BTBD9: variants seen among roughly 807,000 people sequenced by gnomAD.
The protein encoded by BTBD9 is BTB/POZ domain-containing protein 9.
Under a neutral mutation model 64.3 loss-of-function variants are expected in BTBD9, and 49 were observed. That is an observed-to-expected ratio of 0.76 (90% confidence interval 0.61 to 0.97). The LOEUF is 0.97. Ranked by LOEUF, BTBD9 falls within the 50% of genes least tolerant of loss-of-function variation. The pLI is 0.00. For synonymous variants in BTBD9, 260 were observed against 274.7 expected (o/e 0.95, Z 0.53); for missense variants, 598 against 762.1 (o/e 0.78, Z 2.53).
chr6:38,178,011 T>TG (rs1761361171), intron 10 of BTBD9, among the ~76,000 whole-genome samples: 1 of 152,332 alleles, frequency 6.6e-6, no homozygotes, highest in Non-Finnish European at 1.5e-5. Context: ...CGTAACTGCC[T>TG]GACTGAGCTC....
intron 6 of BTBD9, among the ~76,000 whole-genome samples, chr6:38,374,294 T>TATACATATATATATATATATATATATAC (rs1282896109): frequency 1.2e-5 from 1 of 80,408 alleles, no homozygotes; most frequent in African/African-American, 7.7e-5. Flanking sequence ...TATATATATA[T>TATACATATATATATATATATATATATAC]ATGTATATAT....
intron 6 of BTBD9, among the ~76,000 whole-genome samples, chr6:38,550,766 A>G (rs1301023663): frequency 6.6e-6 from 1 of 152,172 alleles, no homozygotes; most frequent in African/African-American, 2.4e-5. Flanking sequence ...TCTTGTTAGA[A>G]TGTGTCTGCC....
chr6:38,597,678 G>C (rs1029075475), intron 2 of BTBD9, among the ~76,000 whole-genome samples: 4 of 152,154 alleles, frequency 2.6e-5, no homozygotes, highest in Non-Finnish European at 5.9e-5. Flanking sequence ...GGTTGATTGG[G>C]CACTATTTGG....
chr6:38,572,587 A>G (rs1469084763), intron 6 of BTBD9, among the ~76,000 whole-genome samples: 1 of 152,178 alleles, frequency 6.6e-6, no homozygotes, highest in Non-Finnish European at 1.5e-5. Flanking sequence ...GAATCAAAGA[A>G]ATCAGTGGAA....
Position 38,594,316 on chromosome 6 carries a change from T to C in BTBD9, c.197A>G (p.Tyr66Cys), listed in dbSNP as rs765455061. ...AGGCTGAGACTCTCGCATTCCACCA[T>C]ATAATAATGCTCTGCACATCAGGGA... ...ARCQYFRALL[Y>C]GGMRESQPEA... The change falls in exon 3 of 11, where the codon TAT becomes TGT. Residue 66 changes from tyrosine to cysteine, a missense_variant. Coordinates refer to ENST00000481247, the MANE Select transcript of BTBD9 (RefSeq NM_001099272.2). The C allele has an allele frequency of 2.5e-6, 4 of 1,611,278 alleles. No individual in the cohort carries two copies. The South Asian group carries it at 3.3e-5, about 13-fold the overall frequency.
At chr6:38,360,930 A>G (rs1764928580) in intron 6 of BTBD9, among the ~76,000 whole-genome samples, 1 of 152,128 alleles carries the variant, frequency 6.6e-6, no homozygotes, top group Non-Finnish European at 1.5e-5. Flanking sequence ...GAAAGAGCCA[A>G]GAGCAAAGAG....
intron 6 of BTBD9, among the ~76,000 whole-genome samples, chr6:38,393,061 A>G (rs983450335): frequency 3.3e-5 from 5 of 152,106 alleles, no homozygotes; most frequent in African/African-American, 1.2e-4. Context: ...TTTTTAGTAG[A>G]GACAGGGTTT....
At chr6:38,448,770 G>T (rs779910239) in intron 6 of BTBD9, among the ~76,000 whole-genome samples, 1 of 152,088 alleles carries the variant, frequency 6.6e-6, no homozygotes, top group Non-Finnish European at 1.5e-5. Context: ...CGCCTGCCTC[G>T]GCCTCCCAAA....
chr6:38,229,678 A>G (rs544306771), intron 9 of BTBD9, among the ~76,000 whole-genome samples: 2 of 152,316 alleles, frequency 1.3e-5, no homozygotes, highest in African/African-American at 4.8e-5. Flanking sequence ...AATCAAAACC[A>G]CAGTTCTTTT....
At chr6:38,221,528 T>C (rs545981117) in intron 9 of BTBD9, among the ~76,000 whole-genome samples, 17 of 151,996 alleles carry the variant, frequency 1.1e-4, no homozygotes, top group Admixed American at 5.2e-4. Flanking sequence ...GCCTGAGGAG[T>C]GCCGCCCGTC....
intron 6 of BTBD9, among the ~76,000 whole-genome samples, chr6:38,426,761 A>T (rs1026859390): frequency 6.6e-6 from 1 of 151,984 alleles, no homozygotes; most frequent in East Asian, 1.9e-4. Flanking sequence ...TAATAGAGCT[A>T]TAACACTCAC....
intron 10 of BTBD9, among the ~76,000 whole-genome samples, chr6:38,183,485 C>G (rs1008312765): frequency 1.2e-4 from 18 of 152,172 alleles, no homozygotes; most frequent in African/African-American, 4.3e-4. Context: ...TCCCTTCCTT[C>G]CACTCACTGC....
At chr6:38,394,585 T>C (rs1473601793) in intron 6 of BTBD9, among the ~76,000 whole-genome samples, 2 of 152,152 alleles carry the variant, frequency 1.3e-5, no homozygotes, top group Non-Finnish European at 2.9e-5. Context: ...TATCTTTATG[T>C]CGTTCCTTCT....
chr6:38,603,678 G>A (rs1171660051), intron 1 of BTBD9, among the ~76,000 whole-genome samples: 4 of 152,220 alleles, frequency 2.6e-5, no homozygotes, highest in South Asian at 4.1e-4. Context: ...AGGTGGAGAC[G>A]CCAAAGAGTC....
At chr6:38,322,268 C>T (rs759498617) in intron 7 of BTBD9, among the ~76,000 whole-genome samples, 2 of 152,088 alleles carry the variant, frequency 1.3e-5, no homozygotes, top group Non-Finnish European at 2.9e-5. Context: ...GATACTCTTC[C>T]GTTATTTCCA....
intron 6 of BTBD9, among the ~76,000 whole-genome samples, chr6:38,560,812 T>C (rs1775232311): frequency 6.6e-6 from 1 of 152,100 alleles, no homozygotes; most frequent in Non-Finnish European, 1.5e-5. Context: ...AGCTCCCACT[T>C]ACAAGTGAGA....
chr6:38,422,418 TC>T (rs1275462090), intron 6 of BTBD9, among the ~76,000 whole-genome samples: 1 of 152,292 alleles, frequency 6.6e-6, no homozygotes. Context: ...CTGATTAAAT[TC>T]CACTAAAAAC....
chr6:38,183,048 C>T (rs7759289), intron 10 of BTBD9, among the ~76,000 whole-genome samples: 145,453 of 151,306 alleles, frequency 0.96, 69,956 homozygotes, highest in East Asian at 1. Context: ...GGCACGATCT[C>T]GGCTCACTGC....
intron 6 of BTBD9, among the ~76,000 whole-genome samples, chr6:38,544,407 C>T (rs1166342540): frequency 6.6e-6 from 1 of 151,738 alleles, no homozygotes; most frequent in Non-Finnish European, 1.5e-5. Context: ...AAATGTGTGT[C>T]AGTGAGTGTG....
Sources: allele counts gnomAD v4.1 joint callset (sites outside exome capture counted in the v4.1 genomes callset), GRCh38; gene constraint gnomAD v4.1.1; transcripts MANE v1.5; gene names NCBI Gene and HGNC (gene_info 2026-07-23, HGNC 2026-07-21).